The following PTN variants were observed in gnomAD, a reference collection of about 807,000 sequenced individuals.
PTN encodes heparin affin regulatory protein.
Under a neutral mutation model 24.1 loss-of-function variants are expected in PTN, and 18 were observed. That is an observed-to-expected ratio of 0.75 (90% CI 0.52 to 1.11). The LOEUF (loss-of-function observed/expected upper bound fraction) is 1.11. PTN is among the 50% of genes least tolerant of loss of function. The pLI is 0.00. For synonymous variants in PTN, 78 were observed against 68.6 expected (o/e 1.14, Z -0.67); for missense variants, 163 against 198.8 (o/e 0.82, Z 1.08).
intron 1 of PTN, among the ~76,000 whole-genome samples, chr7:137,276,149 A>G (rs940295206): frequency 2.0e-5 from 3 of 152,222 alleles, no homozygotes; most frequent in African/African-American, 7.2e-5. Flanking sequence ...AAAACCTGTC[A>G]TACAAAGGTC....
At chr7:137,230,131 C>T (rs568298810) in intron 4 of PTN, among the ~76,000 whole-genome samples, 99 of 151,900 alleles carry the variant, frequency 6.5e-4, no homozygotes, top group African/African-American at 2.3e-3. Flanking sequence ...AGATGACATA[C>T]TAACCAGGTT....
rs983501317 is a variant in PTN, at chr7:137,307,655, T to C, written c.-2+35784A>G. On this transcript the variant is annotated intron_variant, in intron 1 of 4. Coordinates refer to ENST00000348225, the MANE Select transcript of PTN (RefSeq NM_002825.7). ...ATTACCTCCACAGTATGTATACACA[T>C]ATATATATTTAATGTGAGTAATCCA... Among the ~76,000 whole-genome samples, 31 of 152,192 alleles carry C rather than the reference T, an allele frequency of 2.0e-4. 1 individual carries two copies. Among genetic ancestry groups the C allele is most frequent in the African/African-American group, 5.3e-4 (22 of 41,534 alleles).
intron 1 of PTN, among the ~76,000 whole-genome samples, chr7:137,267,162 C>A (rs1254397127): frequency 6.6e-6 from 1 of 152,090 alleles, no homozygotes; most frequent in Non-Finnish European, 1.5e-5. Flanking sequence ...TTCTTTCTCT[C>A]TTTGACTTTC....
intron 1 of PTN, among the ~76,000 whole-genome samples, chr7:137,330,261 G>C (rs1250989194): frequency 2.0e-5 from 3 of 151,938 alleles, no homozygotes; most frequent in Non-Finnish European, 4.4e-5. Context: ...ACTCCAGCCT[G>C]GGCAACACAG....
At chr7:137,250,668 T>G (rs982691557) in intron 4 of PTN, among the ~76,000 whole-genome samples, 4 of 152,224 alleles carry the variant, frequency 2.6e-5, no homozygotes, top group African/African-American at 9.6e-5. Context: ...AGCCTGACTT[T>G]CTGGGAGATA....
chr7:137,300,630 G>A (rs965157285), intron 1 of PTN, among the ~76,000 whole-genome samples: 4 of 151,944 alleles, frequency 2.6e-5, no homozygotes, highest in Non-Finnish European at 4.4e-5. Flanking sequence ...TTTGATAGCA[G>A]AGACAAAGAG....
Position 137,253,541 on chromosome 7 carries a change from C to T in PTN, c.212G>A (p.Arg71Gln), listed in dbSNP as rs1282347214. Residue 71 changes from arginine (R) to glutamine (Q), a missense_variant, in exon 3 of 5, where the codon CGG (arginine) becomes CAG (glutamine). Coordinates refer to ENST00000348225, the MANE Select transcript of PTN (RefSeq NM_002825.7). The part of the protein sequence containing the change: ...DCGLGTREGT[R>Q]TGAECKQTMK... ...GGTTTGCTTGCACTCAGCTCCAGTC[C>T]GAGTGCCCTCCCGTGTGCCCAGCCC... The T allele has an allele frequency of 8.7e-6, 14 of 1,612,332 alleles. No individual in the cohort carries two copies. Among genetic ancestry groups the T allele is most frequent in the East Asian group, 2.2e-5 (1 of 44,866 alleles).
chr7:137,337,486 T>C (rs544711903), intron 1 of PTN, among the ~76,000 whole-genome samples: 1 of 152,282 alleles, frequency 6.6e-6, no homozygotes, highest in East Asian at 1.9e-4. Context: ...ATGTGAAACA[T>C]TTTTAAAAAC....
At chr7:137,304,360 C>T (rs1342610166) in intron 1 of PTN, among the ~76,000 whole-genome samples, 1 of 151,914 alleles carries the variant, frequency 6.6e-6, no homozygotes, top group Non-Finnish European at 1.5e-5. Flanking sequence ...CTCTCTTCCA[C>T]TTTCTGTCTC....
At chr7:137,313,438 G>A (rs186387130) in intron 1 of PTN, among the ~76,000 whole-genome samples, 18 of 152,274 alleles carry the variant, frequency 1.2e-4, no homozygotes, top group African/African-American at 3.9e-4. Context: ...TGAGGACTGC[G>A]GCTCTGCAGT....
intron 1 of PTN, among the ~76,000 whole-genome samples, chr7:137,276,549 T>C (rs558103341): frequency 3.3e-5 from 5 of 152,312 alleles, no homozygotes; most frequent in African/African-American, 1.2e-4. Flanking sequence ...ACGCAAGACT[T>C]CACCTGCCTT....
chr7:137,262,233 C>A (rs893991643), intron 1 of PTN, among the ~76,000 whole-genome samples: 1 of 152,004 alleles, frequency 6.6e-6, no homozygotes, highest in African/African-American at 2.4e-5. Flanking sequence ...TGCTTATTTT[C>A]AATATTTGTC....
intron 4 of PTN, among the ~76,000 whole-genome samples, chr7:137,229,633 T>TAGAA: frequency 6.6e-6 from 1 of 151,806 alleles, no homozygotes; most frequent in Non-Finnish European, 1.5e-5. Flanking sequence ...CAGCAGTTTC[T>TAGAA]AAACCCAGGC....
At chr7:137,292,445 T>C (rs1809653311) in intron 1 of PTN, among the ~76,000 whole-genome samples, 1 of 152,136 alleles carries the variant, frequency 6.6e-6, no homozygotes, top group South Asian at 2.1e-4. Flanking sequence ...TGAGATCTGA[T>C]AGTTTTATAA....
At chr7:137,331,542 T>C (rs923199538) in intron 1 of PTN, among the ~76,000 whole-genome samples, 3 of 152,156 alleles carry the variant, frequency 2.0e-5, no homozygotes, top group Admixed American at 2.0e-4. Flanking sequence ...CTCGAGCCAG[T>C]TGTTCACTCG....
chr7:137,337,808 G>A (rs1034730543), intron 1 of PTN, among the ~76,000 whole-genome samples: 3 of 152,162 alleles, frequency 2.0e-5, no homozygotes, highest in Non-Finnish European at 4.4e-5. Flanking sequence ...ATTGGCACCA[G>A]GTTGTTTGGT....
At chr7:137,244,374 A>ATTTTTTTTTTTTTTTTTTTTTTTTTTTTT (rs1242182641) in intron 4 of PTN, among the ~76,000 whole-genome samples, 1 of 131,168 alleles carries the variant, frequency 7.6e-6, no homozygotes, top group Non-Finnish European at 1.6e-5. Flanking sequence ...TCTCCTCAGA[A>ATTTTTTTTTTTTTTTTTTTTTTTTTTTTT]TTTTTTTTTT....
intron 1 of PTN, among the ~76,000 whole-genome samples, chr7:137,270,165 T>C (rs1809250967): frequency 6.6e-6 from 1 of 152,202 alleles, no homozygotes; most frequent in African/African-American, 2.4e-5. Context: ...AATAGCCAAT[T>C]ATAATTCACT....
At chr7:137,309,971 C>T (rs1223702816) in intron 1 of PTN, among the ~76,000 whole-genome samples, 1 of 152,162 alleles carries the variant, frequency 6.6e-6, no homozygotes, top group East Asian at 1.9e-4. Flanking sequence ...TTTAAATTTG[C>T]TTTGCTCAGA....
Sources: allele counts gnomAD v4.1 joint callset (sites outside exome capture counted in the v4.1 genomes callset), GRCh38; gene constraint gnomAD v4.1.1; transcripts MANE v1.5; gene names NCBI Gene and HGNC (gene_info 2026-07-23, HGNC 2026-07-21).